PDIA6: variants seen among roughly 807,000 people sequenced by gnomAD.
PDIA6 encodes the protein protein disulfide-isomerase A6.
Under a neutral mutation model 58.4 loss-of-function variants are expected in PDIA6, and 29 were observed. The observed-to-expected ratio is 0.50, with a 90% CI of 0.37 to 0.68. The LOEUF (loss-of-function observed/expected upper bound fraction) is 0.68, where lower values mean the gene tolerates loss of function less well. Among genes scored for constraint, PDIA6 ranks in the 30% least tolerant of loss-of-function variants. The probability of loss-of-function intolerance (pLI) is 0.00; values close to 1 mark genes in which losing one functional copy is unlikely to be tolerated. For synonymous variants in PDIA6, 192 were observed against 202.6 expected, an observed-to-expected ratio of 0.95 and a Z score of 0.44; for missense variants, 480 against 551.0, an observed-to-expected ratio of 0.87 and a Z score of 1.29.
At chr2:10,813,314 C>G (rs978199564), upstream of PDIA6, among the ~76,000 whole-genome samples, 2 of 152,198 alleles carry the variant, frequency 1.3e-5, no homozygotes, top group Non-Finnish European at 2.9e-5. Flanking sequence ...TTTGAAAGTT[C>G]TTCCGTCCAG....
chr2:10,797,474 CA>C lies in PDIA6; in HGVS notation c.219+225del, dbSNP rs199562971. The stretch of plus-strand genomic sequence containing the variant: ...TCATTTATCTGGGAAAAACAATAAA[CA>C]AAAACAGGCAATGTAAACATTTAAA... On this transcript the variant is annotated intron_variant, in intron 3 of 12. Coordinates refer to ENST00000272227, the MANE Select transcript of PDIA6 (RefSeq NM_005742.4). 7.2e-3 allele frequency among the ~76,000 whole-genome samples: 1,090 copies of C among 152,252 alleles called. 14 individuals carry two copies. Among genetic ancestry groups the C allele is most frequent in the Non-Finnish European group, 8.0e-3 (547 of 68,000 alleles).
rs567830803 is a variant in PDIA6 at position 10,822,483 on chromosome 2, C to T, written c.-47-3129G>A. 4.6e-5 allele frequency among the ~76,000 whole-genome samples: 7 copies of T among 152,022 alleles called. 1 individual carries two copies. The East Asian group carries it at 7.8e-4, about 17-fold the overall frequency. ...TTCACCCTGTTAGCCAGGATGGTCT[C>T]GATCTCCTGACCTCGTGATCCACCC... On this transcript the variant is annotated intron_variant, in intron 1 of 13. Coordinates refer to the PDIA6 transcript ENST00000381611.
Position 10,802,545 on chromosome 2 carries a change from C to G in PDIA6, c.115G>C (p.Val39Leu), listed in dbSNP as rs766576672. 2.0e-6 allele frequency: 3 copies of G among 1,485,438 alleles called. No homozygotes were observed. The highest frequency in any genetic ancestry group is 2.9e-5 in the African/African-American group (2 of 69,870). The allele number at this position is 1,485,438 out of a possible 1,614,324, so 92.0% of individuals were successfully genotyped here. The change falls in exon 2 of 13, where the codon GTT (valine) becomes CTT (leucine). Residue 39 changes from valine to leucine, a missense_variant. Physicochemically the swap from Val to Leu is conservative, Grantham distance 32. Transcript: ENST00000272227. The stretch of plus-strand genomic sequence containing the variant: ...AGCCACAAACTATCACTCTGAATAA[C>G]TTCTCGGTTGAAATTCGATGGAGTT... ...ELTPSNFNRE[V>L]IQSDSLWLVE... is the part of the protein sequence containing the mutation.
At chr2:10,803,581 C>G (rs1232906192) in intron 1 of PDIA6, among the ~76,000 whole-genome samples, 1 of 152,244 alleles carries the variant, frequency 6.6e-6, no homozygotes, top group Non-Finnish European at 1.5e-5. Context: ...GCTGACCACA[C>G]AGTTCTGCCA....
At chr2:10,833,305 C>T (rs1021088128), upstream of PDIA6, among the ~76,000 whole-genome samples, 1 of 152,214 alleles carries the variant, frequency 6.6e-6, no homozygotes, top group Admixed American at 6.5e-5. Flanking sequence ...CTCCTCTCCC[C>T]TCCTCCGGCT....
In PDIA6 at chr2:10,788,714, G is replaced by A; in HGVS notation, c.981C>T (p.Tyr327=). The A allele has an allele frequency of 1.9e-6, 3 of 1,611,992 alleles. No individual in the cohort carries two copies. Among genetic ancestry groups the A allele is most frequent in the South Asian group, 2.2e-5 (2 of 91,036 alleles). Residue 327 remains tyrosine (Y), a synonymous_variant, in exon 10 of 13, where the codon TAC becomes TAT. Coordinates refer to ENST00000272227, the MANE Select transcript of PDIA6 (RefSeq NM_005742.4). ...LEVLLKLADK[Y]KKKMWGWLWT... is the part of the protein sequence containing the mutation. ...TAACTTACCCCCACATTTTCTTTTT[G>A]TATTTGTCTGCCAACTTCAGAAGAA...
intron 11 of PDIA6, among the ~76,000 whole-genome samples, chr2:10,785,746 G>C (rs1186316878): frequency 1.3e-5 from 2 of 152,118 alleles, no homozygotes; most frequent in African/African-American, 4.8e-5. Context: ...TTTTCTTTGA[G>C]ACCAAGTCAC....
In PDIA6 at chr2:10,812,522, C is replaced by G. The variant is rs116156133; in HGVS notation, c.19+156G>C. 9.2e-5 allele frequency among the ~76,000 whole-genome samples: 14 copies of G among 151,732 alleles called. No homozygotes were observed. The East Asian group carries it at 2.7e-3, about 29-fold the overall frequency. ...GCACCCGCACCTCCGCCGGGGCAACCTAGCAGCTCCTCCGGACGCCGAGGC... is the reference window on the plus strand; with the variant it reads ...GCACCCGCACCTCCGCCGGGGCAACGTAGCAGCTCCTCCGGACGCCGAGGC... On this transcript the variant is annotated intron_variant, in intron 1 of 12. Transcript: ENST00000272227.
At chr2:10,791,396 T>C (rs907178532) in intron 6 of PDIA6, among the ~76,000 whole-genome samples, 15 of 152,238 alleles carry the variant, frequency 9.9e-5, no homozygotes, top group Non-Finnish European at 1.9e-4. Flanking sequence ...TCCGCCTGCC[T>C]CGGCCTCCCA....
intron 1 of PDIA6, among the ~76,000 whole-genome samples, chr2:10,830,465 G>A (rs769283340): frequency 4.6e-5 from 7 of 152,192 alleles, no homozygotes; most frequent in East Asian, 1.9e-4. Flanking sequence ...GCAGGAGTGC[G>A]TCTGCAGGGA....
At chr2:10,818,484 TTA>T (rs1159545307) in intron 2 of PDIA6, among the ~76,000 whole-genome samples, 3,956 of 58,754 alleles carry the variant, frequency 0.067, 93 homozygotes, top group Middle Eastern at 0.14. Flanking sequence ...ACCATTTAAT[TTA>T]TTTATTTATT....
chr2:10,828,944 G>T (rs1326539102), intron 1 of PDIA6, among the ~76,000 whole-genome samples: 1 of 152,204 alleles, frequency 6.6e-6, no homozygotes, highest in Admixed American at 6.5e-5. Context: ...CCAGATGCTG[G>T]TGTGGTCTGG....
intron 2 of PDIA6, among the ~76,000 whole-genome samples, chr2:10,800,106 A>G (rs1666441081): frequency 6.6e-6 from 1 of 152,242 alleles, no homozygotes; most frequent in South Asian, 2.1e-4. Flanking sequence ...TGAAAATCAC[A>G]GCTGTTTTCA....
intron 1 of PDIA6, among the ~76,000 whole-genome samples, chr2:10,829,975 T>G (rs1226241880): frequency 1.3e-5 from 2 of 152,198 alleles, no homozygotes; most frequent in Non-Finnish European, 2.9e-5. Context: ...TCTTCAAGCG[T>G]GTTGCATGGA....
At chr2:10,806,762 T>A (rs559749685) in intron 1 of PDIA6, among the ~76,000 whole-genome samples, 3 of 152,202 alleles carry the variant, frequency 2.0e-5, no homozygotes, top group South Asian at 4.2e-4. Context: ...TGTACTATTT[T>A]AATCTTTTAT....
In PDIA6 at chr2:10,801,375, T is replaced by C. The variant is rs147631525; in HGVS notation, c.161+1124A>G. On this transcript the variant is annotated intron_variant, in intron 2 of 12. Coordinates refer to ENST00000272227, the MANE Select transcript of PDIA6 (RefSeq NM_005742.4). ...ATGATTAACTAGTGGATCTAGATCC[T>C]GCCTTCTCAATTATGCTGTCTTGCA... Among the ~76,000 whole-genome samples, 721 of 152,354 alleles carry C rather than the reference T, an allele frequency of 4.7e-3. 3 individuals carry two copies. Among genetic ancestry groups the C allele is most frequent in the Admixed American group, 9.5e-3 (146 of 15,302 alleles).
chr2:10,784,565 A>C, intron 12 of PDIA6: 1 of 524,802 alleles, frequency 1.9e-6, no homozygotes, highest in Non-Finnish European at 3.3e-6. Context: ...AGCCACTTGA[A>C]CGTGTCCTTT....
At chr2:10,832,533 G>A (rs1667738203), upstream of PDIA6, 2 of 627,330 alleles carry the variant, frequency 3.2e-6, no homozygotes, top group Non-Finnish European at 4.0e-6. Context: ...CCCTTGCTCT[G>A]CGCAGGCTGC....
intron 1 of PDIA6, among the ~76,000 whole-genome samples, chr2:10,802,904 G>A (rs1251242432): frequency 6.6e-6 from 1 of 152,152 alleles, no homozygotes; most frequent in Non-Finnish European, 1.5e-5. Context: ...TATTCTTAGT[G>A]GCTTTCATGT....
Sources: gnomAD v4.1 joint callset for allele counts (sites outside exome capture counted in the v4.1 genomes callset) on GRCh38, gnomAD v4.1.1 for gene constraint, MANE v1.5 for transcripts, NCBI Gene and HGNC (gene_info 2026-07-23, HGNC 2026-07-21) for gene names.